KCNQ3: variants seen among roughly 807,000 people sequenced by gnomAD.
The protein encoded by KCNQ3 is potassium voltage-gated channel subfamily KQT member 3.
Under a neutral mutation model 92.5 loss-of-function variants are expected in KCNQ3, and 30 were observed. That is an observed-to-expected ratio of 0.32 (90% CI 0.24 to 0.44). The LOEUF (loss-of-function observed/expected upper bound fraction) is 0.44. Ranked by LOEUF, KCNQ3 falls within the 20% of genes least tolerant of loss-of-function variation. KCNQ3 has a pLI of 1.00. For missense variants in KCNQ3, 913 were observed against 1,140.3 expected, an observed-to-expected ratio of 0.80 and a Z score of 2.87; for synonymous variants, 450 against 468.8, an observed-to-expected ratio of 0.96 and a Z score of 0.52.
At chr8:132,393,099 AG>A (rs1023236458) in intron 1 of KCNQ3, among the ~76,000 whole-genome samples, 4 of 152,230 alleles carry the variant, frequency 2.6e-5, no homozygotes, top group African/African-American at 9.6e-5. Context: ...CCCCAACAGA[AG>A]CTTTCTGTTG....
chr8:132,192,371 A>G (rs181378610), intron 1 of KCNQ3, among the ~76,000 whole-genome samples: 18 of 152,314 alleles, frequency 1.2e-4, no homozygotes, highest in Admixed American at 7.8e-4. Context: ...GCATATTTCA[A>G]TTTACCCTTA....
At chr8:132,199,157 G>T (rs1827385644) in intron 1 of KCNQ3, among the ~76,000 whole-genome samples, 2 of 151,938 alleles carry the variant, frequency 1.3e-5, no homozygotes, top group Non-Finnish European at 2.9e-5. Context: ...AATACAGCAG[G>T]GTCATTGACA....
intron 1 of KCNQ3, among the ~76,000 whole-genome samples, chr8:132,292,044 AT>A (rs1293675863): frequency 6.6e-6 from 1 of 152,214 alleles, no homozygotes; most frequent in Non-Finnish European, 1.5e-5. Context: ...TTGCCCACAC[AT>A]TTAAGAGTTG....
intron 1 of KCNQ3, among the ~76,000 whole-genome samples, chr8:132,441,862 T>A (rs959268625): frequency 6.6e-6 from 1 of 152,184 alleles, no homozygotes; most frequent in Non-Finnish European, 1.5e-5. Context: ...AAAGAAAATG[T>A]GGTACATATA....
At chr8:132,454,903 T>C (rs1821904030) in intron 1 of KCNQ3, among the ~76,000 whole-genome samples, 1 of 152,192 alleles carries the variant, frequency 6.6e-6, no homozygotes, top group Non-Finnish European at 1.5e-5. Context: ...TTAAGGACAT[T>C]ATGCTAAGCC....
chr8:132,355,676 G>A (rs1213808853), intron 1 of KCNQ3, among the ~76,000 whole-genome samples: 1 of 152,194 alleles, frequency 6.6e-6, no homozygotes, highest in Non-Finnish European at 1.5e-5. Flanking sequence ...GAATGCTGGT[G>A]GGATCTGAGT....
chr8:132,378,459 G>A (rs567673864), intron 1 of KCNQ3, among the ~76,000 whole-genome samples: 11 of 152,142 alleles, frequency 7.2e-5, no homozygotes, highest in Middle Eastern at 3.4e-3. Flanking sequence ...ACTCCAATCC[G>A]ATGGCAACAA....
At chr8:132,337,814 C>T (rs1271767645) in intron 1 of KCNQ3, among the ~76,000 whole-genome samples, 2 of 152,214 alleles carry the variant, frequency 1.3e-5, no homozygotes, top group Admixed American at 6.5e-5. Flanking sequence ...CATATTGCCC[C>T]AAAAACCTTT....
chr8:132,260,621 T>C (rs1359560602), intron 1 of KCNQ3, among the ~76,000 whole-genome samples: 2 of 152,024 alleles, frequency 1.3e-5, no homozygotes, highest in South Asian at 2.1e-4. Context: ...AGCTGAAAAA[T>C]TGAAATTCAT....
At chr8:132,153,055 C>T (rs1825686441) in intron 9 of KCNQ3, among the ~76,000 whole-genome samples, 1 of 120,476 alleles carries the variant, frequency 8.3e-6, no homozygotes, top group Admixed American at 8.2e-5. Flanking sequence ...ATTCTCAACT[C>T]ATTAGTTGTT....
intron 1 of KCNQ3, among the ~76,000 whole-genome samples, chr8:132,469,757 T>A (rs1212068658): frequency 6.6e-6 from 1 of 151,974 alleles, no homozygotes; most frequent in Non-Finnish European, 1.5e-5. Flanking sequence ...TTCATTTGAT[T>A]TATGAAACTT....
chr8:132,228,370 T>TGAGAGA (rs143844678), intron 1 of KCNQ3, among the ~76,000 whole-genome samples: 25 of 148,864 alleles, frequency 1.7e-4, no homozygotes, highest in African/African-American at 6.2e-4. Flanking sequence ...ACTGAGTTAT[T>TGAGAGA]GAGAGAGAGA....
intron 1 of KCNQ3, among the ~76,000 whole-genome samples, chr8:132,356,248 A>G (rs12679098): frequency 0.41 from 62,017 of 151,998 alleles, 13,875 homozygotes; most frequent in African/African-American, 0.59. Context: ...CGGAAGAAAT[A>G]TAAGTGTTCA....
intron 1 of KCNQ3, among the ~76,000 whole-genome samples, chr8:132,420,642 G>C (rs977051517): frequency 4.7e-4 from 71 of 152,290 alleles, no homozygotes; most frequent in African/African-American, 1.6e-3. Flanking sequence ...AGAATCCTCT[G>C]GGAAAGCATA....
intron 1 of KCNQ3, among the ~76,000 whole-genome samples, chr8:132,266,889 T>C (rs959372094): frequency 1.3e-5 from 2 of 152,224 alleles, no homozygotes; most frequent in African/African-American, 4.8e-5. Flanking sequence ...TGAATCACCA[T>C]ACGGTGTAAA....
intron 1 of KCNQ3, among the ~76,000 whole-genome samples, chr8:132,414,379 A>G (rs981946194): frequency 1.3e-5 from 2 of 152,182 alleles, no homozygotes; most frequent in African/African-American, 4.8e-5. Context: ...CAACCCCACT[A>G]GATTTAACAT....
intron 1 of KCNQ3, among the ~76,000 whole-genome samples, chr8:132,354,703 G>C (rs73710552): frequency 6.6e-6 from 1 of 152,186 alleles, no homozygotes; most frequent in East Asian, 1.9e-4. Context: ...CCTACCTTCC[G>C]TGAGATGACA....
At chr8:132,385,989 A>G (rs1269092485) in intron 1 of KCNQ3, among the ~76,000 whole-genome samples, 1 of 152,184 alleles carries the variant, frequency 6.6e-6, no homozygotes, top group Non-Finnish European at 1.5e-5. Context: ...CATTTAAAAC[A>G]AAGTACCAAA....
intron 1 of KCNQ3, among the ~76,000 whole-genome samples, chr8:132,235,592 A>G (rs191585572): frequency 6.6e-6 from 1 of 152,302 alleles, no homozygotes; most frequent in East Asian, 1.9e-4. Flanking sequence ...CAATACAGAC[A>G]TTACAGAATT....
Sources: gnomAD v4.1 joint callset for allele counts (sites outside exome capture counted in the v4.1 genomes callset) on GRCh38, gnomAD v4.1.1 for gene constraint, MANE v1.5 for transcripts, NCBI Gene and HGNC (gene_info 2026-07-23, HGNC 2026-07-21) for gene names.